Variants in C3 observed in about 807,000 individuals in gnomAD.
The protein encoded by C3 is complement C3, also known as C3 and PZP-like alpha-2-macroglobulin domain-containing protein 1.
In C3, 97 loss-of-function variants were observed where a neutral mutation model predicts 207.9. That is an observed-to-expected ratio of 0.47 (90% CI 0.40 to 0.55). C3 has a LOEUF of 0.55. Ranked by LOEUF, C3 falls within the 20% of genes least tolerant of loss-of-function variation. The pLI, the probability that C3 is intolerant of heterozygous loss-of-function variation, is 0.00. For missense variants in C3, 1,684 were observed against 2,171.7 expected (o/e 0.78, Z 4.46); for synonymous variants, 848 against 857.6 (o/e 0.99, Z 0.20).
rs764310139 is a variant in C3 at position 6,682,157 on chromosome 19, T to C, written c.4245A>G (p.Thr1415=). 6.2e-7 allele frequency: 1 copy of C among 1,613,702 alleles called. No homozygotes were observed. The highest frequency in any genetic ancestry group is 1.7e-5 in the Admixed American group (1 of 60,024). Residue 1415 remains threonine, a synonymous_variant, in exon 34 of 41, where the codon ACA becomes ACG. Coordinates refer to ENST00000245907, the MANE Select transcript of C3 (RefSeq NM_000064.4). ...CCCTTCATACCTGCTTCAGGTCATC[T>C]GTGTCTGGAGCAAAGCCAGTCATCA... ...ISMMTGFAPD[T]DDLKQLANGV...
chr19:6,707,954 GA>G, intron 14 of C3, 25 bp from the exon 15 acceptor site: 1 of 1,612,468 alleles, frequency 6.2e-7, no homozygotes, highest in East Asian at 2.2e-5. Flanking sequence ...GGGGTGGCGG[GA>G]CGCAGGGAGG....
At chr19:6,695,468 T>TTTTG (rs913245068) in intron 23 of C3, among the ~76,000 whole-genome samples, 28 of 152,136 alleles carry the variant, frequency 1.8e-4, no homozygotes, top group African/African-American at 4.6e-4. Flanking sequence ...TTGCTTGTCT[T>TTTTG]TTTGTTTGTT....
chr19:6,694,007 G>T, intron 24 of C3, among the ~76,000 whole-genome samples: 1 of 127,408 alleles, frequency 7.8e-6, no homozygotes, highest in Non-Finnish European at 1.7e-5. Flanking sequence ...TTGAGGAGAG[G>T]CGGGGTCTCA....
At chr19:6,713,648 C>G (rs1172831482) in intron 7 of C3, 139 bp from the exon 8 acceptor site, 2 of 684,098 alleles carry the variant, frequency 2.9e-6, no homozygotes. Flanking sequence ...CAGCCCCTCA[C>G]CTGGCCCCAC....
chr19:6,702,729 T>C (rs1305779616), intron 17 of C3, 150 bp from the exon 18 acceptor site: 11 of 672,516 alleles, frequency 1.6e-5, no homozygotes, highest in Non-Finnish European at 2.7e-5. Flanking sequence ...GAAACCCATC[T>C]CTACTAAAAA....
At chr19:6,682,314 G>C (rs1304941312) in intron 33 of C3, 85 bp from the exon 34 acceptor site, 8 of 965,662 alleles carry the variant, frequency 8.3e-6, no homozygotes, top group Non-Finnish European at 1.4e-5. Context: ...GTCTGATCAG[G>C]CACTGAGACT....
intron 26 of C3, 80 bp downstream of exon 26, chr19:6,692,844 G>A (rs1398021972): frequency 1.3e-6 from 2 of 1,524,790 alleles, no homozygotes; most frequent in African/African-American, 1.4e-5. Context: ...GGCACATGGA[G>A]GTGGGGCTCT....
chr19:6,681,323 G>A (rs1469044937), intron 35 of C3, among the ~76,000 whole-genome samples: 3 of 134,694 alleles, frequency 2.2e-5, no homozygotes, highest in Non-Finnish European at 3.1e-5. Flanking sequence ...GTAAGCCTGG[G>A]AGGTCAAGGC....
rs1918262057 is a variant in C3, at chr19:6,694,640, G to C, written c.2951-6C>G. 1 of 1,609,770 alleles carries C rather than the reference G, an allele frequency of 6.2e-7. No homozygotes were observed. The highest frequency in any genetic ancestry group is 1.3e-5 in the African/African-American group (1 of 74,362). On this transcript the variant is annotated splice_polypyrimidine_tract_variant and splice_region_variant and intron_variant, in intron 23 of 40. Transcript: ENST00000245907. ...CATCTGGGCCACTGGGGTCCCTGCAGCAGGTGGGAAGAGGACGTTGCTCAA... is the reference window on the plus strand; with the variant it reads ...CATCTGGGCCACTGGGGTCCCTGCACCAGGTGGGAAGAGGACGTTGCTCAA...
Position 6,717,841 on chromosome 19 carries a change from CATTGTGTGTGTG to C in C3, c.504+241_504+252del, listed in dbSNP as rs1968072724. 2.4e-5 allele frequency: 14 copies of C among 583,986 alleles called. No homozygotes were observed. In the East Asian group the frequency reaches 4.2e-4, roughly 18 times the overall value. 36.2% of individuals were successfully genotyped at this position (583,986 alleles called of 1,614,324 possible). A position where few individuals can be genotyped will look rare whatever the true frequency, so the allele number is the denominator to read the frequency against. ...GTATGTTGTGTGTTTGTGTGTGTTG[CATTGTGTGTGTG>C]CATTGTGTGTGCACATGTGTCTGCA... is the stretch of plus-strand genomic sequence containing the variant. On this transcript the variant is annotated intron_variant, in intron 4 of 40. Coordinates refer to ENST00000245907, the MANE Select transcript of C3 (RefSeq NM_000064.4).
At chr19:6,714,593 G>A (rs1022177286) in intron 4 of C3, 147 bp from the exon 5 acceptor site, 8 of 695,988 alleles carry the variant, frequency 1.1e-5, no homozygotes, top group East Asian at 8.2e-5. Flanking sequence ...TGGGCGCAGC[G>A]GCTCACGCCT....
In C3 at chr19:6,679,429, A is replaced by G. The variant is rs756653877; in HGVS notation, c.4524T>C (p.Asp1508=). The change falls in exon 37 of 41, where the codon GAT becomes GAC. Residue 1508 remains aspartate, a synonymous_variant. Coordinates refer to ENST00000245907, the MANE Select transcript of C3 (RefSeq NM_000064.4). ...CACCCTCAGCACAGCGGCACAGTTCATCACGGCAGAGCTTGTTCAGCTTTC... is the reference window on the plus strand; with the variant it reads ...CACCCTCAGCACAGCGGCACAGTTCGTCACGGCAGAGCTTGTTCAGCTTTC... ...EDGKLNKLCR[D]ELCRCAEENC... is the part of the protein sequence containing the mutation. 13 of 1,613,932 alleles carry G rather than the reference A, an allele frequency of 8.1e-6. No homozygotes were observed. The highest frequency in any genetic ancestry group is 1.1e-5 in the Non-Finnish European group (13 of 1,179,822).
chr19:6,702,491 C>T lies in C3; in HGVS notation c.2334G>A (p.Leu778=). 6.2e-7 allele frequency: 1 copy of T among 1,613,752 alleles called. No homozygotes were observed. Among genetic ancestry groups the T allele is most frequent in the Admixed American group, 1.7e-5 (1 of 60,028 alleles). Residue 778 remains leucine, a synonymous_variant, in exon 18 of 41, where the codon TTG becomes TTA. Transcript: ENST00000245907. ...PESWLWNVED[L]KEPPKNGIST... is the part of the protein sequence containing the mutation. The stretch of plus-strand genomic sequence containing the variant: ...CTTACCCATTTTTCGGTGGCTCTTT[C>T]AAGTCCTCAACGTTCCACAGCCAGC...
Position 6,677,824 on chromosome 19 carries a change from C to G in C3, c.*58G>C. The G allele has an allele frequency of 6.2e-7, 1 of 1,607,968 alleles. No individual in the cohort carries two copies. Among genetic ancestry groups the G allele is most frequent in the Admixed American group, 1.7e-5 (1 of 59,918 alleles). ...TCAGCCTCTCCCTCTTGGCAAAGAA[C>G]TCCAGACACGTGAGATATAACTGAA... On this transcript the variant is annotated 3_prime_UTR_variant, in exon 41 of 41. Coordinates refer to ENST00000245907, the MANE Select transcript of C3 (RefSeq NM_000064.4).
chr19:6,702,100 C>A (rs111594143), intron 19 of C3, 27 bp downstream of exon 19: 4 of 1,347,872 alleles, frequency 3.0e-6, no homozygotes, highest in Admixed American at 1.7e-5. Context: ...CCCTGCCTCC[C>A]GGGGACCAGC....
At chr19:6,715,625 T>TGC (rs200278143) in intron 4 of C3, among the ~76,000 whole-genome samples, 1 of 143,998 alleles carries the variant, frequency 6.9e-6, no homozygotes, top group Non-Finnish European at 1.5e-5. Flanking sequence ...TTTTGTTTTT[T>TGC]TTGTTTTTTT....
intron 27 of C3, among the ~76,000 whole-genome samples, chr19:6,688,851 T>A (rs1216094092): frequency 6.8e-6 from 1 of 146,160 alleles, no homozygotes; most frequent in Non-Finnish European, 1.5e-5. Flanking sequence ...GTCTGCCCCC[T>A]GAGACCTACT....
At chr19:6,720,472 C>T in intron 1 of C3, 44 bp downstream of exon 1, 4 of 1,436,876 alleles carry the variant, frequency 2.8e-6, no homozygotes, top group Non-Finnish European at 3.8e-6. Flanking sequence ...TCTGCTTCCA[C>T]CCCAGAACCA....
intron 17 of C3, among the ~76,000 whole-genome samples, chr19:6,703,583 G>A (rs924075097): frequency 1.1e-4 from 16 of 152,022 alleles, no homozygotes; most frequent in African/African-American, 3.6e-4. Flanking sequence ...CTCCAGCCTC[G>A]GTGACGGAGT....
Sources: gnomAD v4.1 joint callset for allele counts (sites outside exome capture counted in the v4.1 genomes callset) on GRCh38, gnomAD v4.1.1 for gene constraint, MANE v1.5 for transcripts, NCBI Gene and HGNC (gene_info 2026-07-23, HGNC 2026-07-21) for gene names.